The following CFAP47 variants were observed in gnomAD, a reference collection of about 807,000 sequenced individuals.
The protein encoded by CFAP47 is cilia and flagella associated protein 47.
A neutral mutation model predicts 148.1 loss-of-function variants in CFAP47; 29 were observed. The observed-to-expected ratio is 0.20, with a 90% CI of 0.15 to 0.27. The LOEUF (loss-of-function observed/expected upper bound fraction) is 0.27, where lower values mean the gene tolerates loss of function less well. CFAP47 is among the 10% of genes least tolerant of loss of function. The pLI, the probability that CFAP47 is intolerant of heterozygous loss-of-function variation, is 1.00. For missense variants in CFAP47, 1,872 were observed against 1,697.5 expected, an observed-to-expected ratio of 1.10 and a Z score of -1.81; for synonymous variants, 664 against 577.3, an observed-to-expected ratio of 1.15 and a Z score of -2.15.
chrX:36,006,269 T>C (rs1385666350), intron 21 of CFAP47, among the ~76,000 whole-genome samples: 1 of 111,122 alleles, frequency 9.0e-6, no homozygotes, highest in Non-Finnish European at 1.9e-5. Flanking sequence ...ATTAATTATA[T>C]ATATTTAAAT....
intron 22 of CFAP47, among the ~76,000 whole-genome samples, chrX:36,029,266 C>A (rs2146717348): frequency 9.0e-6 from 1 of 110,646 alleles, no homozygotes; most frequent in East Asian, 2.8e-4. Context: ...CTATTTGAAT[C>A]TTCTCCCTTC....
intron 56 of CFAP47, among the ~76,000 whole-genome samples, chrX:36,312,338 T>C (rs1156303331): frequency 9.0e-5 from 10 of 110,949 alleles, no homozygotes; most frequent in Non-Finnish European, 1.3e-4. Flanking sequence ...AGAGATATAG[T>C]AGAGAATTTG....
chrX:36,059,714 A>C (rs976161236), intron 26 of CFAP47, among the ~76,000 whole-genome samples: 11 of 112,132 alleles, frequency 9.8e-5, no homozygotes, highest in African/African-American at 3.2e-4. Flanking sequence ...AATAATGTGT[A>C]TATCTGTGCA....
chrX:36,005,863 TATA>T (rs1936976473), intron 21 of CFAP47, among the ~76,000 whole-genome samples: 2 of 111,432 alleles, frequency 1.8e-5, no homozygotes, highest in Non-Finnish European at 3.8e-5. Context: ...CATTCACCTA[TATA>T]ATGTTTATAT....
chrX:36,267,768 G>A (rs147591849), intron 49 of CFAP47, among the ~76,000 whole-genome samples: 1,881 of 111,996 alleles, frequency 0.017, 37 homozygotes, highest in African/African-American at 0.057. Context: ...GTGAGCCACC[G>A]CGCCCAGCAA....
chrX:36,369,745 G>A (rs781946663), intron 62 of CFAP47, among the ~76,000 whole-genome samples: 18 of 111,508 alleles, frequency 1.6e-4, no homozygotes, highest in African/African-American at 5.2e-4. Flanking sequence ...AGCATATTCC[G>A]AGAGAAGCAC....
chrX:36,187,254 T>C (rs1340389655), intron 40 of CFAP47, among the ~76,000 whole-genome samples: 1 of 112,181 alleles, frequency 8.9e-6, no homozygotes, highest in Non-Finnish European at 1.9e-5. Flanking sequence ...TTGTTCTGGG[T>C]TTGAGAGTCT....
chrX:36,010,536 C>A (rs1386851673), intron 21 of CFAP47, among the ~76,000 whole-genome samples: 5 of 107,362 alleles, frequency 4.7e-5, no homozygotes, highest in African/African-American at 6.8e-5. Context: ...CGGCTCACTG[C>A]AAGCTCCGCC....
chrX:36,294,013 A>G (rs6527552), intron 51 of CFAP47, among the ~76,000 whole-genome samples: 37,294 of 110,648 alleles, frequency 0.34, 7,458 homozygotes, highest in African/African-American at 0.76. Flanking sequence ...AATAAGGCTA[A>G]GCTTGAGCTT....
At chrX:35,972,090 C>T (rs1392806591) in intron 13 of CFAP47, 125 bp downstream of exon 13, 1 of 461,643 alleles carries the variant, frequency 2.2e-6, no homozygotes, top group Non-Finnish European at 3.7e-6. Context: ...ATAAGAAGTC[C>T]TCAGAGTAGT....
chrX:36,201,260 T>C lies in CFAP47; in HGVS notation c.6437-14T>C. 1 of 297,239 alleles carries C rather than the reference T, an allele frequency of 3.4e-6. No individual in the cohort carries two copies. Among genetic ancestry groups the C allele is most frequent in the Non-Finnish European group, 5.9e-6 (1 of 169,919 alleles). 24.5% of individuals were successfully genotyped at this position (297,239 alleles called of 1,213,427 possible). A position where few individuals can be genotyped will look rare whatever the true frequency, so the allele number is the denominator to read the frequency against. On this transcript the variant is annotated splice_polypyrimidine_tract_variant and intron_variant, in intron 43 of 63. Transcript: ENST00000378653. The stretch of plus-strand genomic sequence containing the variant: ...TGTTCATTGTATTCATTAATATTTT[T>C]TTTCTTCCTCCAGGGCCTAATAAGA...
intron 45 of CFAP47, among the ~76,000 whole-genome samples, chrX:36,209,802 A>C (rs1555989256): frequency 9.0e-6 from 1 of 111,430 alleles, no homozygotes; most frequent in Non-Finnish European, 1.9e-5. Context: ...AGTTTTCAGT[A>C]TATTTATAAA....
At chrX:36,329,122 A>C (rs1041922868) in intron 57 of CFAP47, among the ~76,000 whole-genome samples, 8 of 111,623 alleles carry the variant, frequency 7.2e-5, no homozygotes, top group Non-Finnish European at 1.5e-4. Flanking sequence ...ATGTTTATTA[A>C]ATACAAACAG....
intron 26 of CFAP47, among the ~76,000 whole-genome samples, chrX:36,061,657 A>C (rs181194911): frequency 8.9e-6 from 1 of 112,599 alleles, no homozygotes; most frequent in Admixed American, 9.4e-5. Context: ...AAATTGAGAA[A>C]AATTGTAAAT....
chrX:36,104,272 T>C (rs1464903280), intron 32 of CFAP47, among the ~76,000 whole-genome samples: 2 of 111,885 alleles, frequency 1.8e-5, no homozygotes, highest in African/African-American at 3.2e-5. Flanking sequence ...AATTATACAG[T>C]GTAGTTCCTT....
chrX:35,966,903 G>GTCTAAAGACATATATAT, intron 9 of CFAP47, 149 bp downstream of exon 9: 1 of 307,968 alleles, frequency 3.2e-6, no homozygotes, highest in African/African-American at 2.7e-5. Context: ...CAACTATCAG[G>GTCTAAAGACATATATAT]TCTAAAGACA....
chrX:36,150,760 T>C (rs1382038434), intron 37 of CFAP47, among the ~76,000 whole-genome samples: 2 of 111,578 alleles, frequency 1.8e-5, no homozygotes, highest in Non-Finnish European at 3.8e-5. Context: ...AAGATCTTAA[T>C]TCAACCTAAA....
intron 53 of CFAP47, among the ~76,000 whole-genome samples, chrX:36,302,740 T>C (rs781860820): frequency 1.8e-5 from 2 of 112,127 alleles, no homozygotes; most frequent in Admixed American, 9.5e-5. Context: ...ATTTTGGGCA[T>C]TTACTCATCA....
At chrX:36,201,800 A>G (rs782423882) in intron 44 of CFAP47, among the ~76,000 whole-genome samples, 8 of 110,675 alleles carry the variant, frequency 7.2e-5, no homozygotes, top group African/African-American at 2.6e-4. Flanking sequence ...AATAATGCCC[A>G]TACCCAGGCC....
Sources: gnomAD v4.1 joint callset for allele counts (sites outside exome capture counted in the v4.1 genomes callset) on GRCh38, gnomAD v4.1.1 for gene constraint, MANE v1.5 for transcripts, NCBI Gene and HGNC (gene_info 2026-07-23, HGNC 2026-07-21) for gene names.